Variants in RTF1 observed in about 807,000 individuals in gnomAD.
RTF1 encodes RTF1 homolog, Paf1/RNA polymerase II complex component, also known as RNA polymerase-associated protein RTF1 homolog.
Under a neutral mutation model 95.7 loss-of-function variants are expected in RTF1, and 10 were observed. The observed-to-expected ratio is 0.10, with a 90% CI of 0.06 to 0.18. The LOEUF is 0.18. Ranked by LOEUF, RTF1 falls within the 10% of genes least tolerant of loss-of-function variation. The pLI is 1.00. For missense variants in RTF1, 458 were observed against 875.6 expected, an observed-to-expected ratio of 0.52 and a Z score of 6.02; for synonymous variants, 305 against 311.8, an observed-to-expected ratio of 0.98 and a Z score of 0.23.
At chr15:41,436,762 C>G (rs1326833291) in intron 1 of RTF1, among the ~76,000 whole-genome samples, 1 of 151,974 alleles carries the variant, frequency 6.6e-6, no homozygotes, top group African/African-American at 2.4e-5. Context: ...CCACTGCACT[C>G]TAGACTGGGC....
intron 2 of RTF1, among the ~76,000 whole-genome samples, chr15:41,439,754 C>T (rs992542839): frequency 6.6e-6 from 1 of 151,890 alleles, no homozygotes; most frequent in Non-Finnish European, 1.5e-5. Context: ...CGGGTTCAAG[C>T]GATTCTCCTG....
chr15:41,442,835 G>A (rs1010311850), intron 2 of RTF1, among the ~76,000 whole-genome samples: 1 of 152,122 alleles, frequency 6.6e-6, no homozygotes, highest in Non-Finnish European at 1.5e-5. Context: ...GCAGTGGGCC[G>A]AGAACGCTCC....
chr15:41,464,783 G>T lies in RTF1; in HGVS notation c.675G>T (p.Lys225Asn). 1 of 1,563,590 alleles carries T rather than the reference G, an allele frequency of 6.4e-7. No individual in the cohort carries two copies. The highest frequency in any genetic ancestry group is 1.2e-5 in the South Asian group (1 of 82,312). The change falls in exon 5 of 18, where the codon AAG becomes AAT. Residue 225 changes from lysine to asparagine, a missense_variant. Physicochemically the swap from Lys to Asn is moderately conservative, Grantham distance 94. Around this residue, in one of 11 missense-constraint regions of RTF1, gnomAD observed 17 missense variants for 69.3 expected, o/e 0.25. Coordinates refer to ENST00000389629, the MANE Select transcript of RTF1 (RefSeq NM_015138.5). Reference sequence around the variant, plus strand: ...ATCTTTTAACCAGATTTGAAATCAAGAAAAAACTAAAAACAGCCAAAAAGA... The same window carrying T: ...ATCTTTTAACCAGATTTGAAATCAATAAAAAACTAAAAACAGCCAAAAAGA... ...REVLKRRFEI[K>N]KKLKTAKKKE...
intron 8 of RTF1, among the ~76,000 whole-genome samples, chr15:41,471,990 C>G (rs2050914361): frequency 6.6e-6 from 1 of 151,932 alleles, no homozygotes; most frequent in South Asian, 2.1e-4. Flanking sequence ...CCTCCGCCTC[C>G]CGGGTTCAAG....
intron 8 of RTF1, 85 bp from the exon 9 acceptor site, chr15:41,474,535 T>C (rs2050932746): frequency 1.1e-6 from 1 of 946,874 alleles, no homozygotes. Flanking sequence ...TTGTCTGCGT[T>C]CAGGTAGAGA....
At chr15:41,475,994 C>T (rs2050940176) in intron 11 of RTF1, among the ~76,000 whole-genome samples, 175 bp downstream of exon 11, 1 of 152,144 alleles carries the variant, frequency 6.6e-6, no homozygotes, top group African/African-American at 2.4e-5. Flanking sequence ...TATACATTCT[C>T]ATGTCCGGAT....
intron 2 of RTF1, among the ~76,000 whole-genome samples, chr15:41,438,666 G>A (rs1265186877): frequency 6.6e-6 from 1 of 152,022 alleles, no homozygotes; most frequent in Non-Finnish European, 1.5e-5. Flanking sequence ...TTCGAGACCA[G>A]CCTGGCCAAC....
At chr15:41,477,924 G>A (rs1178498834) in intron 14 of RTF1, among the ~76,000 whole-genome samples, 1 of 151,728 alleles carries the variant, frequency 6.6e-6, no homozygotes, top group Non-Finnish European at 1.5e-5. Flanking sequence ...TGGCCAGCAT[G>A]ACAAAACCCT....
At position 41,483,478 on chromosome 15, in the gene RTF1, A is replaced by T. The variant is rs1360296330; in HGVS notation, c.*2791A>T. The T allele has an allele frequency of 6.6e-6, 1 of 151,530 alleles. No individual in the cohort carries two copies. Among genetic ancestry groups the T allele is most frequent in the African/African-American group, 2.4e-5 (1 of 41,084 alleles). The allele number at this position is 151,530 out of a possible 1,614,324, so 9.4% of individuals were successfully genotyped here. A position where few individuals can be genotyped will look rare whatever the true frequency, so the allele number is the denominator to read the frequency against. On this transcript the variant is annotated 3_prime_UTR_variant, in exon 18 of 18. Transcript: ENST00000389629. ...ACTGCCTGCCACTCCCTTCAAAAAG[A>T]ATGTTTTTGCTTTTGTGAAGTCCTG...
At position 41,438,586 on chromosome 15, in the gene RTF1, C is replaced by T. The variant is rs183030858; in HGVS notation, c.309+155C>T. 2.9e-3 allele frequency among the ~76,000 whole-genome samples: 446 copies of T among 152,252 alleles called. 4 individuals are homozygous for T. The highest frequency in any genetic ancestry group is 4.7e-3 in the Admixed American group (72 of 15,298). ...AGAAAATGGTGTAAGGAAGGCCGGG[C>T]GCTGTGGCTCTCTCCTGTAATCCCA... On this transcript the variant is annotated intron_variant, in intron 2 of 17. Coordinates refer to ENST00000389629, the MANE Select transcript of RTF1 (RefSeq NM_015138.5).
At chr15:41,462,119 G>C (rs2050852538) in intron 4 of RTF1, among the ~76,000 whole-genome samples, 1 of 152,048 alleles carries the variant, frequency 6.6e-6, no homozygotes, top group Admixed American at 6.6e-5. Flanking sequence ...CAGAGGTTCA[G>C]AGCCATCATA....
At chr15:41,437,971 AG>A (rs1449002670) in intron 1 of RTF1, among the ~76,000 whole-genome samples, 7 of 152,226 alleles carry the variant, frequency 4.6e-5, no homozygotes, top group Non-Finnish European at 1.0e-4. Context: ...AACAGTGACT[AG>A]GTTACCTTTG....
At chr15:41,426,212 G>C in intron 1 of RTF1, among the ~76,000 whole-genome samples, 1 of 151,542 alleles carries the variant, frequency 6.6e-6, no homozygotes, top group East Asian at 1.9e-4. Flanking sequence ...TGCAACCTCC[G>C]CCCTGGGTTC....
chr15:41,441,094 C>T (rs1004356230), intron 2 of RTF1, among the ~76,000 whole-genome samples: 7 of 151,442 alleles, frequency 4.6e-5, no homozygotes, highest in African/African-American at 1.7e-4. Context: ...GCCTCAACCT[C>T]CCAAATAGCT....
At chr15:41,450,584 CAAA>C (rs35822176) in intron 2 of RTF1, among the ~76,000 whole-genome samples, 1 of 72,382 alleles carries the variant, frequency 1.4e-5, no homozygotes. Flanking sequence ...GACTCCGTCT[CAAA>C]AAAAAAAAAA....
At chr15:41,466,447 C>T (rs2050880980) in intron 6 of RTF1, among the ~76,000 whole-genome samples, 195 bp downstream of exon 6, 1 of 152,162 alleles carries the variant, frequency 6.6e-6, no homozygotes. Context: ...ATCTATAATC[C>T]TTTCATCAGA....
chr15:41,465,868 T>C (rs1399479512), intron 5 of RTF1, among the ~76,000 whole-genome samples: 1 of 152,208 alleles, frequency 6.6e-6, no homozygotes, highest in Non-Finnish European at 1.5e-5. Context: ...GGCTTATGCC[T>C]GTAATCCCAA....
chr15:41,462,475 C>T (rs2050855081), intron 4 of RTF1, among the ~76,000 whole-genome samples: 1 of 152,144 alleles, frequency 6.6e-6, no homozygotes, highest in Non-Finnish European at 1.5e-5. Flanking sequence ...GCCTCAGCTT[C>T]CTCCTGGGGG....
chr15:41,480,208 T>C lies in RTF1; in HGVS notation c.1915-6T>C. 1 of 1,592,082 alleles carries C rather than the reference T, an allele frequency of 6.3e-7. No homozygotes were observed. The highest frequency in any genetic ancestry group is 2.2e-5 in the East Asian group (1 of 44,780). ...CTTACCATTAGCTTTCCTCTTCACA[T>C]TCCAGGGTCAAGGCAAAGATAAAGA... On this transcript the variant is annotated splice_region_variant and splice_polypyrimidine_tract_variant and intron_variant, in intron 16 of 17. Transcript: ENST00000389629.
Sources: allele counts gnomAD v4.1 joint callset (sites outside exome capture counted in the v4.1 genomes callset), GRCh38; gene constraint gnomAD v4.1.1; regional missense constraint gnomAD v4.1.1; transcripts MANE v1.5; gene names NCBI Gene and HGNC (gene_info 2026-07-23, HGNC 2026-07-21).